The following CALCR variants were observed in gnomAD, a reference collection of about 807,000 sequenced individuals.
The protein encoded by CALCR is calcitonin receptor.
In CALCR, 47 loss-of-function variants were observed where a neutral mutation model predicts 59.5. The observed-to-expected ratio is 0.79, with a 90% CI of 0.63 to 1.01. The LOEUF (loss-of-function observed/expected upper bound fraction) is 1.01. CALCR is among the 50% of genes least tolerant of loss of function. The pLI is 0.00. For missense variants in CALCR, 566 were observed against 597.1 expected (o/e 0.95, Z 0.54); for synonymous variants, 213 against 211.3 (o/e 1.01, Z -0.07).
chr7:93,429,706 T>C (rs1290003233), intron 13 of CALCR, among the ~76,000 whole-genome samples: 1 of 152,216 alleles, frequency 6.6e-6, no homozygotes, highest in Non-Finnish European at 1.5e-5. Context: ...GTACCTACTA[T>C]AGTTATGTAC....
At chr7:93,447,687 C>T (rs545435721) in intron 8 of CALCR, among the ~76,000 whole-genome samples, 1 of 152,076 alleles carries the variant, frequency 6.6e-6, no homozygotes, top group South Asian at 2.1e-4. Flanking sequence ...ATCATTTGCA[C>T]TACAGGCCTA....
chr7:93,504,611 C>G (rs118076520), intron 2 of CALCR, among the ~76,000 whole-genome samples: 1 of 152,066 alleles, frequency 6.6e-6, no homozygotes, highest in Non-Finnish European at 1.5e-5. Context: ...AAGAGAGATA[C>G]GTGTTCAAAA....
chr7:93,441,940 C>T (rs1214585325), intron 9 of CALCR, among the ~76,000 whole-genome samples: 1 of 152,100 alleles, frequency 6.6e-6, no homozygotes, highest in Non-Finnish European at 1.5e-5. Context: ...TTTTCTTGTC[C>T]TGCTATTCAG....
chr7:93,514,344 A>C (rs1200097264), intron 2 of CALCR, among the ~76,000 whole-genome samples: 7 of 152,094 alleles, frequency 4.6e-5, no homozygotes, highest in Admixed American at 3.9e-4. Flanking sequence ...TAGAGTCTTT[A>C]AACATTTGTA....
chr7:93,429,869 CTT>C (rs1284683145), intron 13 of CALCR, among the ~76,000 whole-genome samples: 10 of 147,388 alleles, frequency 6.8e-5, no homozygotes, highest in Non-Finnish European at 1.3e-4. Context: ...AAAAAAAACA[CTT>C]TAAATTCCCT....
At chr7:93,497,156 T>A (rs12111850) in intron 2 of CALCR, among the ~76,000 whole-genome samples, 1 of 151,388 alleles carries the variant, frequency 6.6e-6, no homozygotes, top group Non-Finnish European at 1.5e-5. Context: ...TGACACACAA[T>A]GTAAGAGAAA....
chr7:93,531,351 T>C (rs1361361115), intron 2 of CALCR, among the ~76,000 whole-genome samples: 1 of 152,082 alleles, frequency 6.6e-6, no homozygotes, highest in Non-Finnish European at 1.5e-5. Context: ...CTAAAGTCTT[T>C]GCATACCAGC....
At chr7:93,450,360 T>C (rs1345711014) in intron 8 of CALCR, among the ~76,000 whole-genome samples, 2 of 151,990 alleles carry the variant, frequency 1.3e-5, no homozygotes, top group Non-Finnish European at 2.9e-5. Flanking sequence ...ATCTTTTCAT[T>C]CATACACTAA....
chr7:93,437,402 G>A (rs1467587682), intron 11 of CALCR, among the ~76,000 whole-genome samples: 2 of 152,066 alleles, frequency 1.3e-5, no homozygotes, highest in Admixed American at 1.3e-4. Flanking sequence ...ATGACCTAGA[G>A]TTAGAGATTA....
intron 9 of CALCR, among the ~76,000 whole-genome samples, chr7:93,440,342 G>A (rs961934746): frequency 1.1e-4 from 16 of 152,150 alleles, no homozygotes; most frequent in African/African-American, 3.9e-4. Context: ...ACTTTATAAA[G>A]TTTCTGTGAA....
At chr7:93,466,567 T>A (rs1800445291) in intron 7 of CALCR, among the ~76,000 whole-genome samples, 2 of 151,882 alleles carry the variant, frequency 1.3e-5, no homozygotes, top group Admixed American at 1.3e-4. Context: ...ATATCTCATT[T>A]GTCTCTTGTT....
At chr7:93,504,896 T>A (rs1358270785) in intron 2 of CALCR, among the ~76,000 whole-genome samples, 2 of 152,154 alleles carry the variant, frequency 1.3e-5, no homozygotes, top group African/African-American at 2.4e-5. Flanking sequence ...TGCAAGAATC[T>A]TAGGGGTGCA....
At chr7:93,474,207 A>G (rs1383687564) in intron 5 of CALCR, among the ~76,000 whole-genome samples, 1 of 151,718 alleles carries the variant, frequency 6.6e-6, no homozygotes. Context: ...TCACATCAAT[A>G]TATATTGGGA....
chr7:93,434,457 C>A (rs1001113622), intron 12 of CALCR, among the ~76,000 whole-genome samples, 163 bp from the exon 13 acceptor site: 1 of 150,330 alleles, frequency 6.7e-6, no homozygotes, highest in African/African-American at 2.4e-5. Context: ...TAAGAATATT[C>A]CCTTAGAAAT....
intron 8 of CALCR, among the ~76,000 whole-genome samples, chr7:93,444,073 C>A (rs1799964384): frequency 6.6e-6 from 1 of 152,158 alleles, no homozygotes; most frequent in African/African-American, 2.4e-5. Flanking sequence ...TAGGCACCAT[C>A]TAAGGATTTG....
At chr7:93,483,005 T>C in intron 3 of CALCR, 1 of 410,900 alleles carries the variant, frequency 2.4e-6, no homozygotes, top group Non-Finnish European at 4.8e-6. Context: ...ATTGGGGCAT[T>C]ACGTTTATAC....
chr7:93,441,531 T>C, intron 9 of CALCR: 1 of 453,188 alleles, frequency 2.2e-6, no homozygotes, highest in South Asian at 1.6e-5. Context: ...GAAAGATTAG[T>C]CTCTGTGGAA....
intron 2 of CALCR, among the ~76,000 whole-genome samples, chr7:93,519,721 G>A (rs761135742): frequency 8.6e-5 from 13 of 152,014 alleles, no homozygotes; most frequent in East Asian, 1.9e-4. Flanking sequence ...CCTGGTGGGA[G>A]GTGATTAAAT....
At chr7:93,461,278 G>T (rs972871293) in intron 7 of CALCR, among the ~76,000 whole-genome samples, 2 of 152,058 alleles carry the variant, frequency 1.3e-5, no homozygotes, top group Non-Finnish European at 2.9e-5. Flanking sequence ...AACTATTAGG[G>T]TCTGCAGTGT....
Sources: gnomAD v4.1 joint callset for allele counts (sites outside exome capture counted in the v4.1 genomes callset) on GRCh38, gnomAD v4.1.1 for gene constraint, MANE v1.5 for transcripts, NCBI Gene and HGNC (gene_info 2026-07-23, HGNC 2026-07-21) for gene names.